Variants in GNG2 observed in about 807,000 individuals in gnomAD.
GNG2 encodes the protein guanine nucleotide-binding protein G(I)/G(S)/G(O) subunit gamma-2.
GNG2 carries 5 observed loss-of-function variants against 5.5 expected under a neutral mutation model. The ratio of observed to expected loss-of-function variants is 0.91; its 90% CI spans 0.48 to 1.92. The LOEUF is 1.92. GNG2 is among the 30% of genes most tolerant of loss of function. The pLI is 0.01. For synonymous variants in GNG2, 28 were observed against 32.0 expected (o/e 0.88, Z 0.42); for missense variants, 55 against 88.4 (o/e 0.62, Z 1.52).
chr14:51,885,782 A>C (rs897215833), intron 2 of GNG2, among the ~76,000 whole-genome samples: 1 of 152,192 alleles, frequency 6.6e-6, no homozygotes, highest in South Asian at 2.1e-4. Context: ...GATACACTTC[A>C]TGGGAATGAT....
At chr14:51,832,563 C>A (rs1174268275) in intron 2 of GNG2, among the ~76,000 whole-genome samples, 1 of 152,144 alleles carries the variant, frequency 6.6e-6, no homozygotes, top group African/African-American at 2.4e-5. Context: ...GTTTAAACAA[C>A]AGAAATTTAT....
chr14:51,880,967 G>GAAAAAAAAAAAAAAAA (rs11463019), intron 2 of GNG2, among the ~76,000 whole-genome samples: 20 of 101,978 alleles, frequency 2.0e-4, no homozygotes, highest in Admixed American at 3.4e-4. Flanking sequence ...CAAAAAAAAA[G>GAAAAAAAAAAAAAAAA]AAAAAAAAAA....
intron 2 of GNG2, among the ~76,000 whole-genome samples, chr14:51,853,861 G>C (rs17124637): frequency 6.6e-6 from 1 of 151,212 alleles, no homozygotes; most frequent in African/African-American, 2.4e-5. Context: ...TGATCTTGTT[G>C]CCCGTTTCCT....
chr14:51,953,403 C>T (rs56172631), intron 3 of GNG2, among the ~76,000 whole-genome samples: 7,498 of 152,124 alleles, frequency 0.049, 403 homozygotes, highest in East Asian at 0.14. Context: ...ACAAGATATC[C>T]AAGAAGCATA....
At chr14:51,852,698 A>G (rs1881963062) in intron 2 of GNG2, among the ~76,000 whole-genome samples, 1 of 152,260 alleles carries the variant, frequency 6.6e-6, no homozygotes, top group Admixed American at 6.5e-5. Flanking sequence ...TTCTCTGTTG[A>G]AATTTCCCTG....
chr14:51,864,853 A>G (rs1176337243), intron 1 of GNG2, among the ~76,000 whole-genome samples: 1 of 152,220 alleles, frequency 6.6e-6, no homozygotes, highest in Admixed American at 6.5e-5. Flanking sequence ...ACAGTAGTTA[A>G]ACAATACAAC....
chr14:51,845,739 G>A lies in GNG2; in HGVS notation c.64+17932G>A. 1.3e-5 allele frequency among the ~76,000 whole-genome samples: 2 copies of A among 152,076 alleles called. 1 individual carries two copies. ...GTAAATAAACCTGGTCAATGTTCTT[G>A]AACCTAAGATTTTGCAAAATGATTT... On this transcript the variant is annotated intron_variant, in intron 2 of 3. Coordinates refer to the GNG2 transcript ENST00000553432.
At chr14:51,965,436 A>G (rs574285233) in intron 3 of GNG2, among the ~76,000 whole-genome samples, 61 of 152,240 alleles carry the variant, frequency 4.0e-4, no homozygotes, top group Admixed American at 1.2e-3. Flanking sequence ...CTTTTAGTTT[A>G]TTTCCTGAAA....
At chr14:51,932,555 T>A (rs184470855) in intron 2 of GNG2, among the ~76,000 whole-genome samples, 276 of 152,144 alleles carry the variant, frequency 1.8e-3, no homozygotes, top group Non-Finnish European at 3.2e-3. Flanking sequence ...GCCCAGTAGG[T>A]CAAGGCTGCA....
intron 2 of GNG2, among the ~76,000 whole-genome samples, chr14:51,926,224 C>T (rs1257259543): frequency 2.6e-5 from 4 of 151,980 alleles, no homozygotes; most frequent in Non-Finnish European, 5.9e-5. Context: ...ATCAGTTTGA[C>T]TTTATGTTTG....
intron 2 of GNG2, among the ~76,000 whole-genome samples, chr14:51,935,641 G>A (rs1887948228): frequency 6.6e-6 from 1 of 152,260 alleles, no homozygotes; most frequent in Non-Finnish European, 1.5e-5. Context: ...CTGACACTGT[G>A]TTATGGCTAT....
intron 2 of GNG2, among the ~76,000 whole-genome samples, chr14:51,937,935 A>G (rs1888108093): frequency 6.6e-6 from 1 of 152,164 alleles, no homozygotes; most frequent in Non-Finnish European, 1.5e-5. Flanking sequence ...CTAGGCTTGC[A>G]AGTTTATTCT....
At chr14:51,964,623 A>G (rs868041692) in intron 3 of GNG2, among the ~76,000 whole-genome samples, 4 of 152,314 alleles carry the variant, frequency 2.6e-5, no homozygotes, top group African/African-American at 9.6e-5. Context: ...TCTGTGGCAA[A>G]GGGAACAGAG....
At chr14:51,847,639 G>A (rs1881679879) in intron 2 of GNG2, among the ~76,000 whole-genome samples, 1 of 152,166 alleles carries the variant, frequency 6.6e-6, no homozygotes, top group Non-Finnish European at 1.5e-5. Context: ...CCTCAGTGGT[G>A]TAGAATCTTC....
At chr14:51,919,954 A>G (rs1049434983) in intron 2 of GNG2, among the ~76,000 whole-genome samples, 1 of 152,220 alleles carries the variant, frequency 6.6e-6, no homozygotes, top group South Asian at 2.1e-4. Context: ...AACTAAACAC[A>G]TACACAATTA....
intron 2 of GNG2, among the ~76,000 whole-genome samples, chr14:51,938,287 C>T (rs1888128264): frequency 1.3e-5 from 2 of 152,148 alleles, no homozygotes; most frequent in Non-Finnish European, 2.9e-5. Context: ...AGAGATTTTT[C>T]CCTTTGCCAT....
intron 2 of GNG2, among the ~76,000 whole-genome samples, chr14:51,923,440 C>T (rs1169531165): frequency 6.6e-6 from 1 of 151,720 alleles, no homozygotes; most frequent in African/African-American, 2.4e-5. Flanking sequence ...CATACATACA[C>T]AAATATATAT....
At chr14:51,860,575 A>C (rs577447384), upstream of GNG2, 7 of 152,594 alleles carry the variant, frequency 4.6e-5, no homozygotes, top group African/African-American at 1.4e-4. Context: ...CTTCCTGTAG[A>C]AAGAACGTTG....
rs1338132733 is a variant in GNG2, at chr14:51,928,101, GCTCA to G, written c.-29-22546_-29-22543del. Among the ~76,000 whole-genome samples the G allele has an allele frequency of 2.7e-5, 4 of 145,684 alleles. No homozygotes were observed. In the East Asian group the frequency reaches 8.0e-4, roughly 29 times the overall value. Reference sequence around the variant, plus strand: ...GCTCGACTGCAGTGGCAAGATCGTGGCTCACTGCAACCTCCACCTCCTGGAATCA... The same window carrying G: ...GCTCGACTGCAGTGGCAAGATCGTGGCTGCAACCTCCACCTCCTGGAATCA... On this transcript the variant is annotated intron_variant, in intron 2 of 3. Transcript: ENST00000556766.
Sources: allele counts gnomAD v4.1 joint callset (sites outside exome capture counted in the v4.1 genomes callset), GRCh38; gene constraint gnomAD v4.1.1; transcripts MANE v1.5; gene names NCBI Gene and HGNC (gene_info 2026-07-23, HGNC 2026-07-21).